FBXO28: variants seen among roughly 807,000 people sequenced by gnomAD.
FBXO28 encodes F-box only protein 28.
Under a neutral mutation model 38.1 loss-of-function variants are expected in FBXO28, and 8 were observed. That is an observed-to-expected ratio of 0.21 (90% CI 0.12 to 0.38). FBXO28 has a LOEUF of 0.38. Ranked by LOEUF, FBXO28 falls within the 10% of genes least tolerant of loss-of-function variation. The probability of loss-of-function intolerance (pLI) is 1.00; values close to 1 mark genes in which losing one functional copy is unlikely to be tolerated. For synonymous variants in FBXO28, 168 were observed against 173.8 expected, an observed-to-expected ratio of 0.97 and a Z score of 0.26; for missense variants, 345 against 460.6, an observed-to-expected ratio of 0.75 and a Z score of 2.30.
chr1:224,153,811 C>G (rs945925718), intron 4 of FBXO28, among the ~76,000 whole-genome samples: 1 of 151,984 alleles, frequency 6.6e-6, no homozygotes, highest in Non-Finnish European at 1.5e-5. Flanking sequence ...ATCCTAGCTA[C>G]TCTGGAGGCT....
rs1005970801 is a variant in FBXO28, at chr1:224,136,912, C to G, written c.516+2700C>G. On this transcript the variant is annotated intron_variant, in intron 3 of 4. Coordinates refer to ENST00000366862, the MANE Select transcript of FBXO28 (RefSeq NM_015176.4). The stretch of plus-strand genomic sequence containing the variant: ...GACTACAGGTGCACACCACCACAGC[C>G]AGGTAATTTTTGTATTTTTAGTAGA... Among the ~76,000 whole-genome samples, 3 of 151,088 alleles carry G rather than the reference C, an allele frequency of 2.0e-5. No individual in the cohort carries two copies. In the East Asian group the frequency reaches 6.0e-4, roughly 30 times the overall value.
chr1:224,131,498 A>T (rs537744924), intron 2 of FBXO28, among the ~76,000 whole-genome samples: 1 of 152,372 alleles, frequency 6.6e-6, no homozygotes, highest in South Asian at 2.1e-4. Flanking sequence ...AAGCAAAAGC[A>T]AAAGTCTGGA....
intron 2 of FBXO28, among the ~76,000 whole-genome samples, chr1:224,133,096 C>G (rs1398711160): frequency 6.6e-6 from 1 of 152,126 alleles, no homozygotes; most frequent in Non-Finnish European, 1.5e-5. Flanking sequence ...ACCTGGAAAA[C>G]TATGCTAAAT....
At chr1:224,142,844 G>C (rs1657393920) in intron 3 of FBXO28, among the ~76,000 whole-genome samples, 1 of 152,008 alleles carries the variant, frequency 6.6e-6, no homozygotes. Context: ...CACTCGGGAG[G>C]CTGAGGCACG....
At chr1:224,134,313 T>C (rs1234977468) in intron 3 of FBXO28, 101 bp downstream of exon 3, 2 of 1,096,680 alleles carry the variant, frequency 1.8e-6, no homozygotes, top group Non-Finnish European at 2.6e-6. Flanking sequence ...TTGTTTCTAC[T>C]TCTCTGAGTT....
intron 4 of FBXO28, 69 bp downstream of exon 4, chr1:224,153,406 C>A: frequency 8.1e-7 from 1 of 1,227,434 alleles, no homozygotes; most frequent in Non-Finnish European, 1.1e-6. Flanking sequence ...TCCACTTAAC[C>A]AGTGTCTTGA....
intron 4 of FBXO28, among the ~76,000 whole-genome samples, chr1:224,154,767 G>C (rs987882503): frequency 6.6e-6 from 1 of 150,382 alleles, no homozygotes; most frequent in Non-Finnish European, 1.5e-5. Context: ...GAGATTGATC[G>C]TGCCACTGCA....
intron 3 of FBXO28, among the ~76,000 whole-genome samples, chr1:224,139,070 A>G (rs547933009): frequency 2.6e-5 from 4 of 151,900 alleles, no homozygotes; most frequent in African/African-American, 9.7e-5. Context: ...GATGTGAGCC[A>G]CTGCGCCCAG....
intron 2 of FBXO28, 148 bp downstream of exon 2, chr1:224,130,729 G>A (rs1657019435): frequency 1.8e-6 from 1 of 552,518 alleles, no homozygotes; most frequent in Admixed American, 3.3e-5. Flanking sequence ...GCAGTGGTTT[G>A]TCCATTCTCA....
rs1019585227 is a variant in FBXO28, at chr1:224,134,275, T to C, written c.516+63T>C. ...CCTACATAAACTTATTATACAGTTA[T>C]GAATTTCTGATTTTAGAAATGTTAG... On this transcript the variant is annotated intron_variant, in intron 3 of 4. Transcript: ENST00000366862. 108 of 1,512,494 alleles carry C rather than the reference T, an allele frequency of 7.1e-5. No homozygotes were observed. The Middle Eastern group carries it at 1.6e-3, about 22-fold the overall frequency. 93.7% of individuals were successfully genotyped at this position (1,512,494 alleles called of 1,614,324 possible).
chr1:224,154,839 G>A (rs989776963), intron 4 of FBXO28, among the ~76,000 whole-genome samples: 6 of 147,078 alleles, frequency 4.1e-5, no homozygotes, highest in African/African-American at 1.0e-4. Context: ...TTAGCCAAGC[G>A]TGGTGACGCA....
intron 1 of FBXO28, among the ~76,000 whole-genome samples, chr1:224,118,757 ACT>A (rs1279111519): frequency 2.6e-5 from 4 of 152,076 alleles, no homozygotes; most frequent in Non-Finnish European, 5.9e-5. Flanking sequence ...TGTATCTCTC[ACT>A]CTGCACAAGA....
At chr1:224,153,027 A>G (rs939109077) in intron 3 of FBXO28, 115 bp from the exon 4 acceptor site, 9 of 682,102 alleles carry the variant, frequency 1.3e-5, no homozygotes, top group Non-Finnish European at 2.1e-5. Context: ...CACTTAAATC[A>G]CCCTACAGGT....
rs1269086499 is a variant in FBXO28, at chr1:224,145,701, TC to T, written c.517-7440del. ...ACTTTGGAAGGCTGATGCGGGCAGA[TC>T]ACCTGAGGTCATGAGTTCGAGACCA... is the stretch of plus-strand genomic sequence containing the variant. On this transcript the variant is annotated intron_variant, in intron 3 of 4. Transcript: ENST00000366862. Among the ~76,000 whole-genome samples the T allele has an allele frequency of 3.9e-5, 6 of 152,194 alleles. No homozygotes were observed. The East Asian group carries it at 1.2e-3, about 29-fold the overall frequency.
At chr1:224,138,600 G>A (rs1018381778) in intron 3 of FBXO28, among the ~76,000 whole-genome samples, 1 of 151,778 alleles carries the variant, frequency 6.6e-6, no homozygotes, top group African/African-American at 2.4e-5. Flanking sequence ...ACTTTTTACA[G>A]TAAGCTCATA....
intron 3 of FBXO28, among the ~76,000 whole-genome samples, chr1:224,149,276 T>C (rs1657584289): frequency 1.5e-3 from 1 of 660 alleles, no homozygotes; most frequent in Non-Finnish European, 0.029. Flanking sequence ...CATATAATCT[T>C]TTTTTTTTTT....
At chr1:224,125,506 T>C (rs1656883268) in intron 1 of FBXO28, among the ~76,000 whole-genome samples, 1 of 152,198 alleles carries the variant, frequency 6.6e-6, no homozygotes, top group Admixed American at 6.5e-5. Flanking sequence ...TCTTTAGTCC[T>C]GGTATGATAG....
chr1:224,152,925 C>CAAAAAAA (rs57616453), intron 3 of FBXO28, among the ~76,000 whole-genome samples: 6 of 64,890 alleles, frequency 9.2e-5, no homozygotes, highest in African/African-American at 3.9e-4. Context: ...AACTCTGTCT[C>CAAAAAAA]AAAAAAAAAA....
At position 224,159,307 on chromosome 1, in the gene FBXO28, G is replaced by A. The variant is rs750613935; in HGVS notation, c.*1561G>A. 66 of 151,802 alleles carry A rather than the reference G, an allele frequency of 4.3e-4. No individual in the cohort carries two copies. The highest frequency in any genetic ancestry group is 7.2e-4 in the Non-Finnish European group (49 of 67,840). The allele number at this position is 151,802 out of a possible 1,614,324, so 9.4% of individuals were successfully genotyped here. On this transcript the variant is annotated 3_prime_UTR_variant, in exon 5 of 5. Coordinates refer to ENST00000366862, the MANE Select transcript of FBXO28 (RefSeq NM_015176.4). The stretch of plus-strand genomic sequence containing the variant: ...CACAAGGTTATCACCTTTTTTATCC[G>A]TCCACCGTGACATGGTTATGCATCC...
Sources: allele counts gnomAD v4.1 joint callset (sites outside exome capture counted in the v4.1 genomes callset), GRCh38; gene constraint gnomAD v4.1.1; transcripts MANE v1.5; gene names NCBI Gene and HGNC (gene_info 2026-07-23, HGNC 2026-07-21).